Variants in OR10AD1 observed in about 807,000 individuals in gnomAD.
The protein encoded by OR10AD1 is olfactory receptor 10AD1.
For missense variants in OR10AD1, 309 were observed against 192.7 expected (o/e 1.60, Z -3.57); for synonymous variants, 115 against 72.2 (o/e 1.59, Z -3.00).
chr12:48,203,157 T>A lies in OR10AD1; in HGVS notation c.136A>T (p.Ile46Phe), dbSNP rs1347877767. ...GGGTCTGTCCAGGAGGTGATAAAGATGATGAGGCCATTCATGGCCATGGTG... is the reference window on the plus strand; with the variant it reads ...GGGTCTGTCCAGGAGGTGATAAAGAAGATGAGGCCATTCATGGCCATGGTG... ...SLTMAMNGLI[I>F]FITSWTDPKL... Residue 46 changes from isoleucine (I) to phenylalanine (F), a missense_variant, in exon 1 of 1, where the codon ATC (isoleucine) becomes TTC (phenylalanine). By Grantham distance (21) the Ile-to-Phe change is conservative. Transcript: ENST00000310248. 2.6e-6 allele frequency: 2 copies of A among 780,926 alleles called. No homozygotes were observed. Among genetic ancestry groups the A allele is most frequent in the Non-Finnish European group, 2.4e-6 (1 of 418,086 alleles). The allele number at this position is 780,926 out of a possible 1,614,324, so 48.4% of individuals were successfully genotyped here.
rs1259568496 is a variant in OR10AD1, at chr12:48,202,774, G to A, written c.519C>T (p.Asn173=). The change falls in exon 1 of 1, where the codon AAC becomes AAT. Residue 173 remains asparagine (N), a synonymous_variant. Coordinates refer to ENST00000310248, the MANE Select transcript of OR10AD1 (RefSeq NM_001004134.1). Reference sequence around the variant, plus strand: ...CCTCACAGAAGAAGCTTTCTATGTGGTTGTCTCTGCGGAAGGGCTCTCGGA... The same window carrying A: ...CCTCACAGAAGAAGCTTTCTATGTGATTGTCTCTGCGGAAGGGCTCTCGGA... The part of the protein sequence containing the change: ...ISFREPFRRD[N]HIESFFCEAP... The A allele has an allele frequency of 2.6e-6, 2 of 780,808 alleles. No homozygotes were observed. The highest frequency in any genetic ancestry group is 4.8e-6 in the Non-Finnish European group (2 of 418,076). The allele number at this position is 780,808 out of a possible 1,614,324, so 48.4% of individuals were successfully genotyped here.
chr12:48,202,497 T>C lies in OR10AD1; in HGVS notation c.796A>G (p.Thr266Ala). The C allele has an allele frequency of 1.3e-6, 1 of 781,036 alleles. No individual in the cohort carries two copies. 48.4% of individuals were successfully genotyped at this position (781,036 alleles called of 1,614,324 possible). A position where few individuals can be genotyped will look rare whatever the true frequency, so the allele number is the denominator to read the frequency against. Residue 266 changes from threonine to alanine, a missense_variant, in exon 1 of 1, where the codon ACA becomes GCA. Transcript: ENST00000310248. Reference protein sequence around the residue: ...AMFSYMNPHSTHGPDKDKPFS... With the variant: ...AMFSYMNPHSAHGPDKDKPFS... ...GGTTTGTCTTTGTCAGGCCCATGTG[T>C]GCTGTGGGGGTTCATGTAAGAGAAC...
rs776682626 is a variant in OR10AD1 at position 48,202,344 on chromosome 12, C to A, written c.949G>T (p.Val317Phe). ...TTCCTTTCAGGGCCTTCCTGCTAGA[C>A]AGACTGTGGCTGGGCCAGCCTGGTT... is the stretch of plus-strand genomic sequence containing the variant. ...GRTRLAQPQS[V>F] is the part of the protein sequence containing the mutation. Residue 317 changes from valine (V) to phenylalanine (F), a missense_variant, in exon 1 of 1, where the codon GTC becomes TTC. Val to Phe is a conservative substitution (Grantham distance 50). Coordinates refer to ENST00000310248, the MANE Select transcript of OR10AD1 (RefSeq NM_001004134.1). 44 of 762,360 alleles carry A rather than the reference C, an allele frequency of 5.8e-5. No homozygotes were observed. In the East Asian group the frequency reaches 9.7e-4, roughly 17 times the overall value. 47.2% of individuals were successfully genotyped at this position (762,360 alleles called of 1,614,324 possible). A position where few individuals can be genotyped will look rare whatever the true frequency, so the allele number is the denominator to read the frequency against.
Position 48,202,950 on chromosome 12 carries a change from G to A in OR10AD1, c.343C>T (p.Leu115Phe), listed in dbSNP as rs1951605617. 2.6e-6 allele frequency: 2 copies of A among 780,948 alleles called. No homozygotes were observed. Among genetic ancestry groups the A allele is most frequent in the South Asian group, 2.7e-5 (2 of 74,612 alleles). The allele number at this position is 780,948 out of a possible 1,614,324, so 48.4% of individuals were successfully genotyped here. A position where few individuals can be genotyped will look rare whatever the true frequency, so the allele number is the denominator to read the frequency against. The change falls in exon 1 of 1, where the codon CTC (leucine) becomes TTC (phenylalanine). Residue 115 changes from leucine to phenylalanine, a missense_variant. Coordinates refer to ENST00000310248, the MANE Select transcript of OR10AD1 (RefSeq NM_001004134.1). ...VFCVGVAECI[L>F]LAFMAYDRYV... ...CGGTCATAGGCCATGAAAGCCAAGA[G>A]GATGCACTCGGCCACACCAACACAG...
At position 48,202,617 on chromosome 12, in the gene OR10AD1, T is replaced by C. The variant is rs375458553; in HGVS notation, c.676A>G (p.Ile226Val). ...VTSYVHILAT[I>V]LSKASSSGRG... ...CCTGAGGAGGAGGCTTTGCTGAGGATGGTGGCCAGGATGTGCACATAGGAA... is the reference window on the plus strand; with the variant it reads ...CCTGAGGAGGAGGCTTTGCTGAGGACGGTGGCCAGGATGTGCACATAGGAA... The change falls in exon 1 of 1, where the codon ATC becomes GTC. Residue 226 changes from isoleucine to valine, a missense_variant. Coordinates refer to ENST00000310248, the MANE Select transcript of OR10AD1 (RefSeq NM_001004134.1). 1.2e-4 allele frequency: 93 copies of C among 781,042 alleles called. No individual in the cohort carries two copies. In the African/African-American group the frequency reaches 1.5e-3, roughly 12 times the overall value. The allele number at this position is 781,042 out of a possible 1,614,324, so 48.4% of individuals were successfully genotyped here. A position where few individuals can be genotyped will look rare whatever the true frequency, so the allele number is the denominator to read the frequency against.
chr12:48,202,608 T>G lies in OR10AD1; in HGVS notation c.685A>C (p.Lys229Gln). 1 of 780,964 alleles carries G rather than the reference T, an allele frequency of 1.3e-6. No homozygotes were observed. Among genetic ancestry groups the G allele is most frequent in the Non-Finnish European group, 2.4e-6 (1 of 418,106 alleles). 48.4% of individuals were successfully genotyped at this position (780,964 alleles called of 1,614,324 possible). A position where few individuals can be genotyped will look rare whatever the true frequency, so the allele number is the denominator to read the frequency against. ...TTCCCCCGACCTGAGGAGGAGGCTT[T>G]GCTGAGGATGGTGGCCAGGATGTGC... ...YVHILATILS[K>Q]ASSSGRGKTF... Residue 229 changes from lysine (K) to glutamine (Q), a missense_variant, in exon 1 of 1, where the codon AAA becomes CAA. Lys to Gln is a moderately conservative substitution (Grantham distance 53, BLOSUM62 1). Transcript: ENST00000310248.
rs1256924466 is a variant in OR10AD1 at position 48,202,741 on chromosome 12, T to C, written c.552A>G (p.Ile184Met). ...GGTCCCCACAAGAGAGGCCAATCACTATGGGGGCCTCACAGAAGAAGCTTT... is the reference window on the plus strand; with the variant it reads ...GGTCCCCACAAGAGAGGCCAATCACCATGGGGGCCTCACAGAAGAAGCTTT... ...HIESFFCEAP[I>M]VIGLSCGDPQ... is the part of the protein sequence containing the mutation. Residue 184 changes from isoleucine to methionine, a missense_variant, in exon 1 of 1, where the codon ATA becomes ATG. Physicochemically the swap from Ile to Met is conservative, Grantham distance 10. Transcript: ENST00000310248. The C allele has an allele frequency of 2.6e-6, 2 of 780,870 alleles. No homozygotes were observed. The highest frequency in any genetic ancestry group is 2.4e-6 in the Non-Finnish European group (1 of 418,106). The allele number at this position is 780,870 out of a possible 1,614,324, so 48.4% of individuals were successfully genotyped here. A position where few individuals can be genotyped will look rare whatever the true frequency, so the allele number is the denominator to read the frequency against.
In OR10AD1 at chr12:48,203,000, C is replaced by A. The variant is rs778386416; in HGVS notation, c.293G>T (p.Cys98Phe). 1 of 781,032 alleles carries A rather than the reference C, an allele frequency of 1.3e-6. No individual in the cohort carries two copies. The highest frequency in any genetic ancestry group is 2.4e-6 in the Non-Finnish European group (1 of 418,116). 48.4% of individuals were successfully genotyped at this position (781,032 alleles called of 1,614,324 possible). A position where few individuals can be genotyped will look rare whatever the true frequency, so the allele number is the denominator to read the frequency against. Residue 98 changes from cysteine to phenylalanine, a missense_variant, in exon 1 of 1, where the codon TGC (cysteine) becomes TTC (phenylalanine). Transcript: ENST00000310248. ...VRDHIVSFVCCMTQMYFVFCV... is the reference protein window; with the variant it reads ...VRDHIVSFVCFMTQMYFVFCV... ...GAAGACAAAGTACATCTGGGTCATG[C>A]AACATACAAAGGAGACAATGTGGTC...
Position 48,202,374 on chromosome 12 carries a change from C to T in OR10AD1, c.919G>A (p.Gly307Arg), listed in dbSNP as rs780394055. The change falls in exon 1 of 1, where the codon GGA (glycine) becomes AGA (arginine). Residue 307 changes from glycine (G) to arginine (R), a missense_variant. Transcript: ENST00000310248. ...EIKEAMVRAL[G>R]RTRLAQPQSV ...TGTGGCTGGGCCAGCCTGGTTCTTC[C>T]AAGTGCCCTCACCATGGCCTCCTTA... is the stretch of plus-strand genomic sequence containing the variant. The T allele has an allele frequency of 2.1e-5, 16 of 777,160 alleles. No homozygotes were observed. Among genetic ancestry groups the T allele is most frequent in the African/African-American group, 3.4e-5 (2 of 59,098 alleles). 48.1% of individuals were successfully genotyped at this position (777,160 alleles called of 1,614,324 possible). A position where few individuals can be genotyped will look rare whatever the true frequency, so the allele number is the denominator to read the frequency against.
chr12:48,202,820 A>T lies in OR10AD1; in HGVS notation c.473T>A (p.Ile158Asn), dbSNP rs771543980. Residue 158 changes from isoleucine (I) to asparagine (N), a missense_variant, in exon 1 of 1, where the codon ATC becomes AAC. Physicochemically the swap from Ile to Asn is moderately radical, Grantham distance 149. Coordinates refer to ENST00000310248, the MANE Select transcript of OR10AD1 (RefSeq NM_001004134.1). ...TAWFFGLING[I>N]FLEYISFREP... ...TCGGAATGAAATATACTCGAGAAAG[A>T]TGCCATTGATCAGCCCAAAGAACCA... 1 of 781,016 alleles carries T rather than the reference A, an allele frequency of 1.3e-6. No individual in the cohort carries two copies. The highest frequency in any genetic ancestry group is 2.4e-6 in the Non-Finnish European group (1 of 418,086). The allele number at this position is 781,016 out of a possible 1,614,324, so 48.4% of individuals were successfully genotyped here. A position where few individuals can be genotyped will look rare whatever the true frequency, so the allele number is the denominator to read the frequency against.
In OR10AD1 at chr12:48,202,534, G is replaced by T. The variant is rs1219667565; in HGVS notation, c.759C>A (p.Tyr253Ter). 4 of 780,934 alleles carry T rather than the reference G, an allele frequency of 5.1e-6. No individual in the cohort carries two copies. Among genetic ancestry groups the T allele is most frequent in the African/African-American group, 5.1e-5 (3 of 59,136 alleles). 48.4% of individuals were successfully genotyped at this position (780,934 alleles called of 1,614,324 possible). The change falls in exon 1 of 1, where the codon TAC (tyrosine) becomes TAA (stop). Residue 253 changes from tyrosine (Y) to a stop codon, truncating the protein, a stop_gained. Transcript: ENST00000310248. LOFTEE classifies it low-confidence loss of function (END_TRUNC). Reference sequence around the variant, plus strand: ...TCATGTAAGAGAACATAGCTGAAGTGTAGAGAAAGATGACCACAGTCAGGT... The same window carrying T: ...TCATGTAAGAGAACATAGCTGAAGTTTAGAGAAAGATGACCACAGTCAGGT... ...ASHLTVVIFL[Y>*]TSAMFSYMNP...
chr12:48,202,884 T>C lies in OR10AD1; in HGVS notation c.409A>G (p.Ile137Val), dbSNP rs1424733836. Residue 137 changes from isoleucine to valine, a missense_variant, in exon 1 of 1, where the codon ATA (isoleucine) becomes GTA (valine). Transcript: ENST00000310248. The stretch of plus-strand genomic sequence containing the variant: ...AGCCTGACACAGACCTTCTGGCTTA[T>C]GATCGGGACATAGTTAAGTGGGTAG... The part of the protein sequence containing the change: ...ICYPLNYVPI[I>V]SQKVCVRLVG... 5.1e-6 allele frequency: 4 copies of C among 780,974 alleles called. No homozygotes were observed. The highest frequency in any genetic ancestry group is 1.3e-5 in the South Asian group (1 of 74,626). The allele number at this position is 780,974 out of a possible 1,614,324, so 48.4% of individuals were successfully genotyped here. A position where few individuals can be genotyped will look rare whatever the true frequency, so the allele number is the denominator to read the frequency against.
Position 48,203,160 on chromosome 12 carries a change from T to C in OR10AD1, c.133A>G (p.Ile45Val), listed in dbSNP as rs557147115. Residue 45 changes from isoleucine (I) to valine (V), a missense_variant, in exon 1 of 1, where the codon ATC becomes GTC. Transcript: ENST00000310248. ...YSLTMAMNGL[I>V]IFITSWTDPK... ...TCTGTCCAGGAGGTGATAAAGATGA[T>C]GAGGCCATTCATGGCCATGGTGAGG... The C allele has an allele frequency of 5.1e-6, 4 of 781,000 alleles. No homozygotes were observed. Among genetic ancestry groups the C allele is most frequent in the South Asian group, 2.7e-5 (2 of 74,614 alleles). The allele number at this position is 781,000 out of a possible 1,614,324, so 48.4% of individuals were successfully genotyped here.
In OR10AD1 at chr12:48,202,505, G is replaced by T. The variant is rs960885585; in HGVS notation, c.788C>A (p.Pro263His). Residue 263 changes from proline (P) to histidine (H), a missense_variant, in exon 1 of 1, where the codon CCC becomes CAC. By Grantham distance (77) the Pro-to-His change is moderately conservative. Coordinates refer to ENST00000310248, the MANE Select transcript of OR10AD1 (RefSeq NM_001004134.1). ...TTTGTCAGGCCCATGTGTGCTGTGG[G>T]GGTTCATGTAAGAGAACATAGCTGA... is the stretch of plus-strand genomic sequence containing the variant. ...YTSAMFSYMN[P>H]HSTHGPDKDK... 2 of 780,914 alleles carry T rather than the reference G, an allele frequency of 2.6e-6. No individual in the cohort carries two copies. Among genetic ancestry groups the T allele is most frequent in the African/African-American group, 1.7e-5 (1 of 59,122 alleles). 48.4% of individuals were successfully genotyped at this position (780,914 alleles called of 1,614,324 possible). A position where few individuals can be genotyped will look rare whatever the true frequency, so the allele number is the denominator to read the frequency against.
In OR10AD1 at chr12:48,202,636, A is replaced by G. The variant is rs200615592; in HGVS notation, c.657T>C (p.Tyr219=). The G allele has an allele frequency of 6.3e-5, 49 of 781,024 alleles. No homozygotes were observed. In the Admixed American group the frequency reaches 7.5e-4, roughly 12 times the overall value. 48.4% of individuals were successfully genotyped at this position (781,024 alleles called of 1,614,324 possible). A position where few individuals can be genotyped will look rare whatever the true frequency, so the allele number is the denominator to read the frequency against. Residue 219 remains tyrosine, a synonymous_variant, in exon 1 of 1, where the codon TAT becomes TAC. Transcript: ENST00000310248. ...LSPMVLTVTS[Y]VHILATILSK... ...TGAGGATGGTGGCCAGGATGTGCAC[A>G]TAGGAAGTGACAGTGAGCACCATGG...
chr12:48,202,590 G>A lies in OR10AD1; in HGVS notation c.703C>T (p.Arg235Trp), dbSNP rs758232171. ...GCACAAGTAGAGAAAGTCTTCCCCC[G>A]ACCTGAGGAGGAGGCTTTGCTGAGG... ...TILSKASSSG[R>W]GKTFSTCASH... The change falls in exon 1 of 1, where the codon CGG (arginine) becomes TGG (tryptophan). Residue 235 changes from arginine (R) to tryptophan (W), a missense_variant. Transcript: ENST00000310248. 10 of 780,912 alleles carry A rather than the reference G, an allele frequency of 1.3e-5. No homozygotes were observed. The highest frequency in any genetic ancestry group is 8.5e-5 in the African/African-American group (5 of 59,108). The allele number at this position is 780,912 out of a possible 1,614,324, so 48.4% of individuals were successfully genotyped here.
At position 48,202,940 on chromosome 12, in the gene OR10AD1, A is replaced by G. The variant is rs759278693; in HGVS notation, c.353T>C (p.Phe118Ser). Residue 118 changes from phenylalanine (F) to serine (S), a missense_variant, in exon 1 of 1, where the codon TTC becomes TCC. Phe to Ser is a radical substitution (Grantham distance 155). Coordinates refer to ENST00000310248, the MANE Select transcript of OR10AD1 (RefSeq NM_001004134.1). ...AGCAACATAACGGTCATAGGCCATGAAAGCCAAGAGGATGCACTCGGCCAC... is the reference window on the plus strand; with the variant it reads ...AGCAACATAACGGTCATAGGCCATGGAAGCCAAGAGGATGCACTCGGCCAC... ...VGVAECILLAFMAYDRYVAIC... is the reference protein window; with the variant it reads ...VGVAECILLASMAYDRYVAIC... The G allele has an allele frequency of 2.0e-5, 16 of 780,984 alleles. No homozygotes were observed. Among genetic ancestry groups the G allele is most frequent in the Middle Eastern group, 4.5e-4 (2 of 4,464 alleles). The allele number at this position is 780,984 out of a possible 1,614,324, so 48.4% of individuals were successfully genotyped here.
In OR10AD1 at chr12:48,203,208, C is replaced by A; in HGVS notation, c.85G>T (p.Ala29Ser). ...SSTSTRALLFALFLALYSLTM... is the reference protein window; with the variant it reads ...SSTSTRALLFSLFLALYSLTM... Reference sequence around the variant, plus strand: ...AGGCTGTAGAGGGCCAAGAAGAGGGCAAAGAGCAATGCTCGTGTGGAAGTG... The same window carrying A: ...AGGCTGTAGAGGGCCAAGAAGAGGGAAAAGAGCAATGCTCGTGTGGAAGTG... The change falls in exon 1 of 1, where the codon GCC becomes TCC. Residue 29 changes from alanine (A) to serine (S), a missense_variant. Coordinates refer to ENST00000310248, the MANE Select transcript of OR10AD1 (RefSeq NM_001004134.1). 1 of 781,038 alleles carries A rather than the reference C, an allele frequency of 1.3e-6. No individual in the cohort carries two copies. The highest frequency in any genetic ancestry group is 2.4e-6 in the Non-Finnish European group (1 of 418,128). 48.4% of individuals were successfully genotyped at this position (781,038 alleles called of 1,614,324 possible). A position where few individuals can be genotyped will look rare whatever the true frequency, so the allele number is the denominator to read the frequency against.
Position 48,203,013 on chromosome 12 carries a change from AGACAATGTGGTCCCT to A in OR10AD1, c.265_279del (p.Arg89_Val93del), listed in dbSNP as rs1951606737. ...ATCTGGGTCATGCAACATACAAAGG[AGACAATGTGGTCCCT>A]GACCACGAGGTGGATCAACATCTGT... On this transcript the variant is annotated inframe_deletion, in exon 1 of 1. Coordinates refer to ENST00000310248, the MANE Select transcript of OR10AD1 (RefSeq NM_001004134.1). 1.3e-6 allele frequency: 1 copy of A among 781,070 alleles called. No individual in the cohort carries two copies. Among genetic ancestry groups the A allele is most frequent in the Non-Finnish European group, 2.4e-6 (1 of 418,132 alleles). The allele number at this position is 781,070 out of a possible 1,614,324, so 48.4% of individuals were successfully genotyped here.
Sources: gnomAD v4.1 joint callset for allele counts on GRCh38, gnomAD v4.1.1 for gene constraint, MANE v1.5 for transcripts, NCBI Gene and HGNC (gene_info 2026-07-23, HGNC 2026-07-21) for gene names.